The following PTP4A1 variants were observed in gnomAD, a reference collection of about 807,000 sequenced individuals.
PTP4A1 encodes the protein protein tyrosine phosphatase 4A1.
PTP4A1 carries 9 observed loss-of-function variants against 20.5 expected under a neutral mutation model. That is an observed-to-expected ratio of 0.44 (90% CI 0.26 to 0.77). The LOEUF (loss-of-function observed/expected upper bound fraction) is 0.77, where lower values mean the gene tolerates loss of function less well. Among genes scored for constraint, PTP4A1 ranks in the 30% least tolerant of loss-of-function variants. The pLI, the probability that PTP4A1 is intolerant of heterozygous loss-of-function variation, is 0.19. For missense variants in PTP4A1, 137 were observed against 218.8 expected (o/e 0.63, Z 2.36); for synonymous variants, 78 against 67.4 (o/e 1.16, Z -0.77).
At chr6:63,554,938 A>G (rs1028443982) in intron 3 of PTP4A1, among the ~76,000 whole-genome samples, 10 of 152,232 alleles carry the variant, frequency 6.6e-5, no homozygotes, top group Admixed American at 2.0e-4. Flanking sequence ...TTAGAATCAT[A>G]CAAAGAGACA....
At chr6:63,530,362 A>G (rs1301309866) in intron 2 of PTP4A1, among the ~76,000 whole-genome samples, 3 of 152,210 alleles carry the variant, frequency 2.0e-5, no homozygotes, top group Admixed American at 2.0e-4. Context: ...TTAAATTTAT[A>G]TGATGGTACT....
intron 3 of PTP4A1, among the ~76,000 whole-genome samples, chr6:63,566,760 C>A (rs987401915): frequency 2.6e-5 from 4 of 152,072 alleles, no homozygotes; most frequent in African/African-American, 4.8e-5. Flanking sequence ...TTGATGACTC[C>A]ACAAAAAATT....
chr6:63,531,795 A>G (rs1775480305), intron 2 of PTP4A1, among the ~76,000 whole-genome samples: 1 of 151,516 alleles, frequency 6.6e-6, no homozygotes, highest in South Asian at 2.1e-4. Context: ...CCAGCCTCCC[A>G]TAACACTTTT....
intron 2 of PTP4A1, among the ~76,000 whole-genome samples, chr6:63,547,820 A>T (rs1776270017): frequency 6.6e-6 from 1 of 151,266 alleles, no homozygotes; most frequent in Non-Finnish European, 1.5e-5. Flanking sequence ...CCAGGGGGGG[A>T]TTTGTTAATG....
At chr6:63,547,694 G>C (rs2149488010) in intron 2 of PTP4A1, among the ~76,000 whole-genome samples, 1 of 148,108 alleles carries the variant, frequency 6.8e-6, no homozygotes, top group South Asian at 2.1e-4. Flanking sequence ...TTTTTTTTCA[G>C]TAGAGACGGG....
At chr6:63,574,541 TA>T (rs1382822701) in intron 1 of PTP4A1, among the ~76,000 whole-genome samples, 1 of 152,184 alleles carries the variant, frequency 6.6e-6, no homozygotes, top group Non-Finnish European at 1.5e-5. Flanking sequence ...AGGGAATTCT[TA>T]ATATAGTTCT....
At chr6:63,575,707 G>A (rs1777809815) in intron 1 of PTP4A1, among the ~76,000 whole-genome samples, 1 of 152,062 alleles carries the variant, frequency 6.6e-6, no homozygotes, top group African/African-American at 2.4e-5. Context: ...AGTTATAAAT[G>A]AGAGTTGTTT....
intron 2 of PTP4A1, among the ~76,000 whole-genome samples, chr6:63,530,655 T>C (rs1039398737): frequency 1.3e-5 from 2 of 152,162 alleles, no homozygotes; most frequent in Non-Finnish European, 1.5e-5. Flanking sequence ...TAAAATTGTA[T>C]TAAACTATCA....
At chr6:63,546,924 A>T (rs1776211100) in intron 2 of PTP4A1, among the ~76,000 whole-genome samples, 4 of 152,252 alleles carry the variant, frequency 2.6e-5, no homozygotes, top group Non-Finnish European at 5.9e-5. Context: ...ATATATAAAC[A>T]TCACACAGTA....
chr6:63,553,846 GGAGTACAATTAACGTATTT>G (rs1776553649), intron 3 of PTP4A1, among the ~76,000 whole-genome samples: 1 of 152,138 alleles, frequency 6.6e-6, no homozygotes, highest in Non-Finnish European at 1.5e-5. Flanking sequence ...TAATTGTAAT[GGAGTACAATTAACGTATTT>G]GAGTCAGGTT....
At chr6:63,574,475 G>A (rs1282771698) in intron 1 of PTP4A1, among the ~76,000 whole-genome samples, 2 of 152,244 alleles carry the variant, frequency 1.3e-5, no homozygotes, top group East Asian at 3.9e-4. Flanking sequence ...TGCTTTAACA[G>A]ACGAGTCCCC....
At chr6:63,551,647 G>A (rs985403950) in intron 3 of PTP4A1, among the ~76,000 whole-genome samples, 23 of 151,870 alleles carry the variant, frequency 1.5e-4, no homozygotes, top group African/African-American at 2.7e-4. Flanking sequence ...TTAACTTGTC[G>A]TTTACATTAG....
intron 1 of PTP4A1, among the ~76,000 whole-genome samples, chr6:63,526,256 C>T (rs367669946): frequency 8.6e-5 from 13 of 151,888 alleles, no homozygotes; most frequent in South Asian, 4.2e-4. Flanking sequence ...ACCAGGGAGG[C>T]GGAGGTTGCA....
intron 2 of PTP4A1, among the ~76,000 whole-genome samples, chr6:63,532,880 A>T (rs1775531499): frequency 6.6e-6 from 1 of 152,228 alleles, no homozygotes; most frequent in Non-Finnish European, 1.5e-5. Context: ...TGATCAAATT[A>T]TATCTGCTTT....
At chr6:63,538,175 T>G (rs982918937) in intron 2 of PTP4A1, among the ~76,000 whole-genome samples, 2 of 152,228 alleles carry the variant, frequency 1.3e-5, no homozygotes, top group African/African-American at 4.8e-5. Flanking sequence ...AATATGAGCC[T>G]TGGTGTTTAC....
At chr6:63,563,764 T>C (rs1252360485) in intron 3 of PTP4A1, among the ~76,000 whole-genome samples, 3 of 151,966 alleles carry the variant, frequency 2.0e-5, no homozygotes, top group Non-Finnish European at 4.4e-5. Flanking sequence ...CCAAGGAAAG[T>C]GGAAAGTGAG....
chr6:63,567,279 C>T (rs1777232849), intron 3 of PTP4A1, among the ~76,000 whole-genome samples: 2 of 152,334 alleles, frequency 1.3e-5, no homozygotes, highest in South Asian at 4.1e-4. Flanking sequence ...TCACCATCTA[C>T]AGCAATTTAT....
chr6:63,530,755 A>AT (rs913040627), intron 2 of PTP4A1, among the ~76,000 whole-genome samples: 2 of 152,212 alleles, frequency 1.3e-5, no homozygotes, highest in Non-Finnish European at 2.9e-5. Flanking sequence ...ACCTGAATTC[A>AT]TTTTTTCTTA....
At chr6:63,539,169 C>T (rs1387903744) in intron 2 of PTP4A1, among the ~76,000 whole-genome samples, 1 of 152,150 alleles carries the variant, frequency 6.6e-6, no homozygotes, top group African/African-American at 2.4e-5. Context: ...ACTGGGATTA[C>T]AGTCATGAGC....
Sources: allele counts gnomAD v4.1 joint callset (sites outside exome capture counted in the v4.1 genomes callset), GRCh38; gene constraint gnomAD v4.1.1; transcripts MANE v1.5; gene names NCBI Gene and HGNC (gene_info 2026-07-23, HGNC 2026-07-21).